The following P4HA3 variants were observed in gnomAD, a reference collection of about 807,000 sequenced individuals.
P4HA3 encodes prolyl 4-hydroxylase subunit alpha-3.
In P4HA3, 60 loss-of-function variants were observed where a neutral mutation model predicts 66.7. The ratio of observed to expected loss-of-function variants is 0.90; its 90% CI spans 0.73 to 1.12. P4HA3 has a LOEUF of 1.12. Ranked by LOEUF, P4HA3 falls within the 50% of genes most tolerant of loss-of-function variation. P4HA3 has a pLI of 0.00. For synonymous variants in P4HA3, 263 were observed against 274.6 expected (o/e 0.96, Z 0.42); for missense variants, 683 against 685.8 (o/e 1.00, Z 0.05).
At chr11:74,287,674 C>T (rs904938793) in intron 5 of P4HA3, among the ~76,000 whole-genome samples, 1 of 152,086 alleles carries the variant, frequency 6.6e-6, no homozygotes, top group Admixed American at 6.6e-5. Flanking sequence ...ATTATAAAGT[C>T]CTACATGAAA....
intron 4 of P4HA3, among the ~76,000 whole-genome samples, chr11:74,289,416 T>C (rs1860926210): frequency 6.6e-6 from 1 of 152,102 alleles, no homozygotes; most frequent in Non-Finnish European, 1.5e-5. Context: ...CAAATCTTTT[T>C]TTGTTTTCTG....
intron 15 of P4HA3, chr11:74,250,257 T>A (rs1021880926): frequency 6.6e-6 from 1 of 152,160 alleles, no homozygotes; most frequent in Non-Finnish European, 1.5e-5. Flanking sequence ...TCCTTAGGGA[T>A]CTTCTTTATC....
chr11:74,294,498 G>C (rs547682388), intron 4 of P4HA3, among the ~76,000 whole-genome samples: 11 of 152,314 alleles, frequency 7.2e-5, no homozygotes, highest in African/African-American at 2.6e-4. Flanking sequence ...GAGGAGCTCT[G>C]TTCCTTTGGA....
At chr11:74,264,198 T>C (rs76467518), downstream of P4HA3, among the ~76,000 whole-genome samples, 6,254 of 152,196 alleles carry the variant, frequency 0.041, 137 homozygotes, top group Middle Eastern at 0.11. Context: ...GACAGACCAG[T>C]CCCAGCTCAT....
intron 8 of P4HA3, among the ~76,000 whole-genome samples, chr11:74,278,898 G>A (rs565141739): frequency 1.3e-5 from 2 of 152,250 alleles, no homozygotes; most frequent in South Asian, 2.1e-4. Context: ...GGCTGCAGTG[G>A]GGGGTGGGCA....
chr11:74,306,944 T>C (rs566472242), intron 1 of P4HA3, among the ~76,000 whole-genome samples: 10 of 152,306 alleles, frequency 6.6e-5, no homozygotes, highest in African/African-American at 2.4e-4. Context: ...GTGGGATCTT[T>C]ACTACCCATT....
chr11:74,258,226 G>A (rs1048930408), intron 15 of P4HA3, among the ~76,000 whole-genome samples: 1 of 152,126 alleles, frequency 6.6e-6, no homozygotes, highest in African/African-American at 2.4e-5. Flanking sequence ...TCTCCCAGCA[G>A]TTTGCTAGAA....
chr11:74,251,363 A>G, intron 15 of P4HA3: 13 of 1,356,148 alleles, frequency 9.6e-6, no homozygotes, highest in Admixed American at 3.2e-5. Flanking sequence ...AGGAATTAAT[A>G]TGGGCTCCTC....
chr11:74,280,304 C>T (rs931989335), intron 7 of P4HA3, among the ~76,000 whole-genome samples: 16 of 151,926 alleles, frequency 1.1e-4, no homozygotes, highest in African/African-American at 2.4e-4. Flanking sequence ...TAGGCACATG[C>T]CACCAAACCT....
At chr11:74,292,449 AT>A (rs1565416945) in intron 4 of P4HA3, among the ~76,000 whole-genome samples, 1 of 151,734 alleles carries the variant, frequency 6.6e-6, no homozygotes, top group African/African-American at 2.4e-5. Flanking sequence ...ATTTCCTTCA[AT>A]TCTGCTCTGA....
At chr11:74,308,390 C>T (rs1283894177) in intron 1 of P4HA3, among the ~76,000 whole-genome samples, 1 of 151,934 alleles carries the variant, frequency 6.6e-6, no homozygotes, top group Non-Finnish European at 1.5e-5. Context: ...ACAAAAAAAC[C>T]CTAGCCAGGC....
intron 1 of P4HA3, among the ~76,000 whole-genome samples, chr11:74,309,390 G>A (rs1467617027): frequency 6.6e-6 from 1 of 152,204 alleles, no homozygotes; most frequent in South Asian, 2.1e-4. Context: ...CCAGCATGGT[G>A]GAATGGGGTT....
In P4HA3 at chr11:74,277,041, G is replaced by A. The variant is rs1284043406; in HGVS notation, c.1279C>T (p.Gln427Ter). Residue 427 changes from glutamine (Q) to a stop codon, truncating the protein, a stop_gained, in exon 9 of 13, where the codon CAG (glutamine) becomes TAG (stop). Transcript: ENST00000331597. LOFTEE classifies it high-confidence loss of function. ...DVRPPYAEYL[Q>*]VVNYGIGGHY... ...CCTCCGATGCCATAGTTCACCACCT[G>A]CAGATACTCTGCATAGGGAGGCCGG... The A allele has an allele frequency of 3.1e-6, 5 of 1,613,972 alleles. No homozygotes were observed. The Admixed American group carries it at 6.7e-5, about 22-fold the overall frequency.
chr11:74,291,992 A>G (rs1861045725), intron 4 of P4HA3, among the ~76,000 whole-genome samples: 1 of 151,884 alleles, frequency 6.6e-6, no homozygotes, highest in Admixed American at 6.6e-5. Flanking sequence ...CTCTTTTTCT[A>G]TTGATTGGAA....
At chr11:74,304,173 T>C in intron 2 of P4HA3, 97 bp downstream of exon 2, 2 of 1,476,142 alleles carry the variant, frequency 1.4e-6, no homozygotes, top group Non-Finnish European at 1.8e-6. Flanking sequence ...CCTACTCCAT[T>C]ACCCTTTGAA....
intron 4 of P4HA3, among the ~76,000 whole-genome samples, chr11:74,289,775 T>G (rs1860944402): frequency 6.6e-6 from 1 of 152,108 alleles, no homozygotes; most frequent in African/African-American, 2.4e-5. Context: ...GGACATGAAC[T>G]CATCATTTTT....
intron 3 of P4HA3, among the ~76,000 whole-genome samples, chr11:74,299,445 G>T (rs1193619106): frequency 1.3e-5 from 2 of 152,136 alleles, no homozygotes; most frequent in African/African-American, 2.4e-5. Context: ...TTAACCTGTT[G>T]TTTTATTTTT....
chr11:74,310,176 T>G (rs1861690540), intron 1 of P4HA3, among the ~76,000 whole-genome samples: 1 of 152,214 alleles, frequency 6.6e-6, no homozygotes, highest in Non-Finnish European at 1.5e-5. Context: ...GTAGGCTTCT[T>G]GATGTCCCAG....
In P4HA3 at chr11:74,267,295, A is replaced by G. The variant is rs764420707; in HGVS notation, c.1588T>C (p.Tyr530His). Residue 530 changes from tyrosine (Y) to histidine (H), a missense_variant, in exon 13 of 13, where the codon TAT (tyrosine) becomes CAT (histidine). Transcript: ENST00000331597. ...CAGGGTCTGCGGAATTCCTGTCCAT[A>G]CTCATGTATCCACTTGTTGGCCACT... ...KWVANKWIHE[Y>H]GQEFRRPCSS... 5.0e-6 allele frequency: 8 copies of G among 1,614,092 alleles called. No homozygotes were observed. Among genetic ancestry groups the G allele is most frequent in the Non-Finnish European group, 6.8e-6 (8 of 1,180,018 alleles).
Sources: gnomAD v4.1 joint callset for allele counts (sites outside exome capture counted in the v4.1 genomes callset) on GRCh38, gnomAD v4.1.1 for gene constraint, MANE v1.5 for transcripts, NCBI Gene and HGNC (gene_info 2026-07-23, HGNC 2026-07-21) for gene names.